Variants in RBM28 observed in about 807,000 individuals in gnomAD.
RBM28 encodes RNA binding motif protein 28.
RBM28 carries 78 observed loss-of-function variants against 98.3 expected under a neutral mutation model. The ratio of observed to expected loss-of-function variants is 0.79; its 90% CI spans 0.66 to 0.96. The LOEUF (loss-of-function observed/expected upper bound fraction) is 0.96. RBM28 is among the 40% of genes least tolerant of loss of function. The probability of loss-of-function intolerance (pLI) is 0.00; values close to 1 mark genes in which losing one functional copy is unlikely to be tolerated. For synonymous variants in RBM28, 306 were observed against 330.9 expected, an observed-to-expected ratio of 0.92 and a Z score of 0.82; for missense variants, 838 against 913.0, an observed-to-expected ratio of 0.92 and a Z score of 1.06.
intron 13 of RBM28, among the ~76,000 whole-genome samples, chr7:128,322,264 A>G (rs566355151): frequency 2.6e-5 from 4 of 152,302 alleles, no homozygotes; most frequent in Admixed American, 2.6e-4. Context: ...ATGACCACAG[A>G]ACCATATTTT....
rs1217827995 is a variant in RBM28, at chr7:128,310,653, C to T, written c.*144G>A. On this transcript the variant is annotated 3_prime_UTR_variant, in exon 19 of 19. Transcript: ENST00000223073. Reference sequence around the variant, plus strand: ...AAGGATGGACCAAAGTTCAGATGTACACAGTCCAGGGCACCTCCGAGCACA... The same window carrying T: ...AAGGATGGACCAAAGTTCAGATGTATACAGTCCAGGGCACCTCCGAGCACA... 5.7e-6 allele frequency: 6 copies of T among 1,055,836 alleles called. No individual in the cohort carries two copies. The highest frequency in any genetic ancestry group is 8.7e-6 in the Non-Finnish European group (6 of 691,684). 65.4% of individuals were successfully genotyped at this position (1,055,836 alleles called of 1,614,324 possible). A position where few individuals can be genotyped will look rare whatever the true frequency, so the allele number is the denominator to read the frequency against.
rs1294624730 is a variant in RBM28 at position 128,298,000 on chromosome 7, G to A, written c.*12797C>T. 1 of 111,324 alleles carries A rather than the reference G, an allele frequency of 9.0e-6. No individual in the cohort carries two copies. Among genetic ancestry groups the A allele is most frequent in the Non-Finnish European group, 1.8e-5 (1 of 54,304 alleles). The allele number at this position is 111,324 out of a possible 1,614,324, so 6.9% of individuals were successfully genotyped here. A position where few individuals can be genotyped will look rare whatever the true frequency, so the allele number is the denominator to read the frequency against. On this transcript the variant is annotated 3_prime_UTR_variant, in exon 19 of 19. Coordinates refer to ENST00000223073, the MANE Select transcript of RBM28 (RefSeq NM_018077.3). ...TGGGGACTATTGAGGGGTGGGGGGAGGGGGGAGGGATAGCATTGGGAGATA... is the reference window on the plus strand; with the variant it reads ...TGGGGACTATTGAGGGGTGGGGGGAAGGGGGAGGGATAGCATTGGGAGATA...
intron 5 of RBM28, 127 bp downstream of exon 5, chr7:128,338,123 T>C: frequency 2.7e-6 from 2 of 733,568 alleles, no homozygotes; most frequent in Non-Finnish European, 4.9e-6. Flanking sequence ...CCTAAATAGC[T>C]ACCGTATTAG....
Position 128,310,211 on chromosome 7 carries a change from T to TCTC in RBM28, c.*583_*585dup, listed in dbSNP as rs1219698689. 3.1e-5 allele frequency: 5 copies of TCTC among 163,460 alleles called. No individual in the cohort carries two copies. The highest frequency in any genetic ancestry group is 1.2e-4 in the African/African-American group (5 of 41,640). 10.1% of individuals were successfully genotyped at this position (163,460 alleles called of 1,614,324 possible). On this transcript the variant is annotated 3_prime_UTR_variant, in exon 19 of 19. Transcript: ENST00000223073. ...CATCTGACAAACACATAAGTGCTGC[T>TCTC]CTCTGTCAGGCCCCACCTCCCCCCA... is the stretch of plus-strand genomic sequence containing the variant.
intron 5 of RBM28, 138 bp downstream of exon 5, chr7:128,338,112 A>G: frequency 1.4e-6 from 1 of 709,920 alleles, no homozygotes; most frequent in Non-Finnish European, 2.5e-6. Context: ...AGAGTATTTC[A>G]CCTAAATAGC....
At chr7:128,335,016 C>G (rs570303486) in intron 8 of RBM28, among the ~76,000 whole-genome samples, 1 of 152,200 alleles carries the variant, frequency 6.6e-6, no homozygotes, top group South Asian at 2.1e-4. Flanking sequence ...TCAGCTGGCA[C>G]CTGGGACTTC....
At chr7:128,328,344 G>C (rs1207631452) in intron 10 of RBM28, among the ~76,000 whole-genome samples, 1 of 152,212 alleles carries the variant, frequency 6.6e-6, no homozygotes, top group African/African-American at 2.4e-5. Flanking sequence ...GGAGTTTCCA[G>C]AGTCAGTACT....
At chr7:128,332,567 C>T (rs1038221555) in intron 9 of RBM28, among the ~76,000 whole-genome samples, 2 of 152,124 alleles carry the variant, frequency 1.3e-5, no homozygotes, top group Non-Finnish European at 2.9e-5. Flanking sequence ...GTTGGCCAGG[C>T]TGGTCTCGAA....
intron 8 of RBM28, 28 bp downstream of exon 8, chr7:128,335,514 TA>T: frequency 6.2e-7 from 1 of 1,614,032 alleles, no homozygotes; most frequent in Non-Finnish European, 8.5e-7. Flanking sequence ...TTTTAAAGTC[TA>T]AAGACATTTA....
At position 128,301,156 on chromosome 7, in the gene RBM28, C is replaced by T. The variant is rs1426864366; in HGVS notation, c.*9641G>A. 2 of 152,270 alleles carry T rather than the reference C, an allele frequency of 1.3e-5. No homozygotes were observed. The highest frequency in any genetic ancestry group is 2.4e-5 in the African/African-American group (1 of 41,462). The allele number at this position is 152,270 out of a possible 1,614,324, so 9.4% of individuals were successfully genotyped here. On this transcript the variant is annotated 3_prime_UTR_variant, in exon 19 of 19. Coordinates refer to ENST00000223073, the MANE Select transcript of RBM28 (RefSeq NM_018077.3). ...GAAGTGGGCAACCAGTCTTTCTCCC[C>T]TTTCCTGTGAATTCACTCAGGACAC...
intron 11 of RBM28, 79 bp from the exon 12 acceptor site, chr7:128,324,773 G>A: frequency 6.3e-7 from 1 of 1,595,216 alleles, no homozygotes; most frequent in Admixed American, 1.7e-5. Context: ...GAGCACTTTG[G>A]GAGGCTGAGG....
intron 8 of RBM28, among the ~76,000 whole-genome samples, 190 bp downstream of exon 8, chr7:128,335,353 A>T (rs185402752): frequency 6.6e-6 from 1 of 152,328 alleles, no homozygotes; most frequent in East Asian, 1.9e-4. Context: ...CAAAACAAAC[A>T]AAAAGGAAAC....
rs1382453163 is a variant in RBM28, at chr7:128,310,655, C to T, written c.*142G>A. On this transcript the variant is annotated 3_prime_UTR_variant, in exon 19 of 19. Transcript: ENST00000223073. The stretch of plus-strand genomic sequence containing the variant: ...GGATGGACCAAAGTTCAGATGTACA[C>T]AGTCCAGGGCACCTCCGAGCACAGT... 1.9e-6 allele frequency: 2 copies of T among 1,066,852 alleles called. No homozygotes were observed. Among genetic ancestry groups the T allele is most frequent in the African/African-American group, 1.6e-5 (1 of 64,234 alleles). 66.1% of individuals were successfully genotyped at this position (1,066,852 alleles called of 1,614,324 possible).
In RBM28 at chr7:128,342,322, C is replaced by T. The variant is rs1796743605; in HGVS notation, c.118+1354G>A. Among the ~76,000 whole-genome samples the T allele has an allele frequency of 2.0e-5, 3 of 152,226 alleles. 1 individual carries two copies. Among genetic ancestry groups the T allele is most frequent in the South Asian group, 4.1e-4 (2 of 4,832 alleles). On this transcript the variant is annotated intron_variant, in intron 1 of 18. Coordinates refer to ENST00000223073, the MANE Select transcript of RBM28 (RefSeq NM_018077.3). Reference sequence around the variant, plus strand: ...TCTCCAACAGTCTATTGGCAACACACCAGCCAGAGAGAGAATCTTTCAAAA... The same window carrying T: ...TCTCCAACAGTCTATTGGCAACACATCAGCCAGAGAGAGAATCTTTCAAAA...
rs1795868979 is a variant in RBM28, at chr7:128,306,399, CTG to C, written c.*4396_*4397del. Reference sequence around the variant, plus strand: ...CTTTTGGGGTCCTTAGGAAATGACTCTGTTGTCCTTCACAAGCCCAGCTAGGC... The same window carrying C: ...CTTTTGGGGTCCTTAGGAAATGACTCTTGTCCTTCACAAGCCCAGCTAGGC... On this transcript the variant is annotated 3_prime_UTR_variant, in exon 19 of 19. Coordinates refer to ENST00000223073, the MANE Select transcript of RBM28 (RefSeq NM_018077.3). 1 of 152,240 alleles carries C rather than the reference CTG, an allele frequency of 6.6e-6. No individual in the cohort carries two copies. Among genetic ancestry groups the C allele is most frequent in the Non-Finnish European group, 1.5e-5 (1 of 68,062 alleles). The allele number at this position is 152,240 out of a possible 1,614,324, so 9.4% of individuals were successfully genotyped here.
At position 128,309,333 on chromosome 7, in the gene RBM28, G is replaced by C. The variant is rs1364794783; in HGVS notation, c.*1464C>G. 1 of 151,964 alleles carries C rather than the reference G, an allele frequency of 6.6e-6. No homozygotes were observed. Among genetic ancestry groups the C allele is most frequent in the African/African-American group, 2.4e-5 (1 of 41,364 alleles). The allele number at this position is 151,964 out of a possible 1,614,324, so 9.4% of individuals were successfully genotyped here. On this transcript the variant is annotated 3_prime_UTR_variant, in exon 19 of 19. Transcript: ENST00000223073. ...TGATTTCAGATAGAGATTAGTGCTA[G>C]AAAGAAACAGGGAAGCAGGCCAGGC...
rs1796335220 is a variant in RBM28, at chr7:128,325,752, C to G, written c.1203+66G>C. The G allele has an allele frequency of 3.8e-6, 4 of 1,046,066 alleles. 1 individual carries two copies. In the South Asian group the frequency reaches 5.1e-5, roughly 13 times the overall value. 64.8% of individuals were successfully genotyped at this position (1,046,066 alleles called of 1,614,324 possible). On this transcript the variant is annotated intron_variant, in intron 11 of 18. Coordinates refer to ENST00000223073, the MANE Select transcript of RBM28 (RefSeq NM_018077.3). ...ATAATAATAAAGCTTTGTATAAATA[C>G]CAGATGTTGCCCCTAAGAGCCAAAC...
At position 128,318,122 on chromosome 7, in the gene RBM28, GA is replaced by G. The variant is rs756134257; in HGVS notation, c.1564-17del. 1.2e-6 allele frequency: 2 copies of G among 1,602,292 alleles called. No individual in the cohort carries two copies. Among genetic ancestry groups the G allele is most frequent in the Middle Eastern group, 1.7e-4 (1 of 6,028 alleles). On this transcript the variant is annotated splice_polypyrimidine_tract_variant and intron_variant, in intron 14 of 18. Transcript: ENST00000223073. ...TCACTCTACACTATGAGTAGAGCAA[GA>G]AAAAAATCAGTAATTACAGAATGAG...
intron 9 of RBM28, 81 bp downstream of exon 9, chr7:128,333,209 A>G (rs1796522492): frequency 8.8e-7 from 1 of 1,140,620 alleles, no homozygotes; most frequent in Admixed American, 1.7e-5. Context: ...AGGTAACAGA[A>G]CTAGTGCCAA....
Sources: allele counts gnomAD v4.1 joint callset (sites outside exome capture counted in the v4.1 genomes callset), GRCh38; gene constraint gnomAD v4.1.1; transcripts MANE v1.5; gene names NCBI Gene and HGNC (gene_info 2026-07-23, HGNC 2026-07-21).